CHSY3: variants seen among roughly 807,000 people sequenced by gnomAD.
CHSY3 encodes N-acetylgalactosaminyl-proteoglycan 3-beta-glucuronosyltransferase 3.
A neutral mutation model predicts 67.2 loss-of-function variants in CHSY3; 35 were observed. The observed-to-expected ratio is 0.52, with a 90% CI of 0.40 to 0.69. The LOEUF is 0.69. Among genes scored for constraint, CHSY3 ranks in the 30% least tolerant of loss-of-function variants. The probability of loss-of-function intolerance (pLI) is 0.00; values close to 1 mark genes in which losing one functional copy is unlikely to be tolerated. For missense variants in CHSY3, 1,069 were observed against 1,138.5 expected (o/e 0.94, Z 0.88); for synonymous variants, 474 against 434.7 (o/e 1.09, Z -1.12).
intron 2 of CHSY3, among the ~76,000 whole-genome samples, chr5:130,107,511 T>C (rs1767447767): frequency 6.6e-6 from 1 of 151,404 alleles, no homozygotes; most frequent in South Asian, 2.1e-4. Flanking sequence ...ATAGAGGAAA[T>C]GGTACTTATA....
chr5:129,998,817 G>T (rs918819725), intron 2 of CHSY3, among the ~76,000 whole-genome samples: 1 of 151,734 alleles, frequency 6.6e-6, no homozygotes, highest in Admixed American at 6.6e-5. Context: ...ACAGAAATTT[G>T]CTCTCTTTGT....
chr5:129,924,356 T>C (rs1403773658), intron 2 of CHSY3, among the ~76,000 whole-genome samples: 1 of 152,082 alleles, frequency 6.6e-6, no homozygotes, highest in Non-Finnish European at 1.5e-5. Flanking sequence ...CTTTTAAAAT[T>C]AGAATTAACG....
At chr5:130,018,220 C>A (rs1320202890) in intron 2 of CHSY3, among the ~76,000 whole-genome samples, 1 of 151,998 alleles carries the variant, frequency 6.6e-6, no homozygotes, top group Non-Finnish European at 1.5e-5. Flanking sequence ...CAAAAAAAGT[C>A]CTATTTTTTA....
In CHSY3 at chr5:130,186,406, C is replaced by T. The variant is rs961025089; in HGVS notation, c.*615C>T. The T allele has an allele frequency of 6.6e-6, 1 of 150,720 alleles. No individual in the cohort carries two copies. Among genetic ancestry groups the T allele is most frequent in the African/African-American group, 2.5e-5 (1 of 39,570 alleles). The allele number at this position is 150,720 out of a possible 1,614,324, so 9.3% of individuals were successfully genotyped here. ...AGTTTTGTTCCACAAGCAACCGGTA[C>T]TGGCTACCCTGGTCTTATGACAATT... On this transcript the variant is annotated 3_prime_UTR_variant, in exon 3 of 3. Transcript: ENST00000305031.
chr5:129,921,937 T>C lies in CHSY3; in HGVS notation c.1086+13577T>C, dbSNP rs536821212. On this transcript the variant is annotated intron_variant, in intron 2 of 2. Transcript: ENST00000305031. ...TATTGTGCTACCAAATACTAGATCT[T>C]ACTCATTCTATCTAACTGTATTTTT... is the stretch of plus-strand genomic sequence containing the variant. Among the ~76,000 whole-genome samples the C allele has an allele frequency of 8.5e-5, 13 of 152,264 alleles. No individual in the cohort carries two copies. In the East Asian group the frequency reaches 2.5e-3, roughly 29 times the overall value.
intron 2 of CHSY3, among the ~76,000 whole-genome samples, chr5:130,056,226 G>T (rs1458742958): frequency 6.6e-6 from 1 of 151,626 alleles, no homozygotes; most frequent in Admixed American, 6.6e-5. Flanking sequence ...TGACTCAGGT[G>T]GTTCAAGAAA....
At chr5:129,957,119 T>C (rs959151279) in intron 2 of CHSY3, among the ~76,000 whole-genome samples, 1 of 152,204 alleles carries the variant, frequency 6.6e-6, no homozygotes, top group Non-Finnish European at 1.5e-5. Flanking sequence ...TTTCCATTTG[T>C]TCGTGCCATC....
intron 2 of CHSY3, among the ~76,000 whole-genome samples, chr5:129,973,012 TG>T (rs1284647457): frequency 6.6e-6 from 1 of 152,080 alleles, no homozygotes; most frequent in African/African-American, 2.4e-5. Flanking sequence ...TTTTATGCCT[TG>T]TGTTGCTCTC....
chr5:130,018,644 C>T (rs1764278838), intron 2 of CHSY3, among the ~76,000 whole-genome samples: 1 of 152,130 alleles, frequency 6.6e-6, no homozygotes, highest in Non-Finnish European at 1.5e-5. Flanking sequence ...ATAGGTCAGC[C>T]TTGTCGATGT....
intron 2 of CHSY3, among the ~76,000 whole-genome samples, chr5:129,963,678 T>C (rs1762395987): frequency 6.6e-6 from 1 of 152,006 alleles, no homozygotes; most frequent in Non-Finnish European, 1.5e-5. Flanking sequence ...CTGTTGGGTG[T>C]TATTGCCCTT....
At chr5:129,939,499 C>T (rs1761629532) in intron 2 of CHSY3, among the ~76,000 whole-genome samples, 1 of 152,104 alleles carries the variant, frequency 6.6e-6, no homozygotes, top group African/African-American at 2.4e-5. Context: ...CTTCAAGTGC[C>T]ATTTCACATA....
At chr5:129,909,817 T>A (rs1358634311) in intron 2 of CHSY3, among the ~76,000 whole-genome samples, 1 of 152,048 alleles carries the variant, frequency 6.6e-6, no homozygotes, top group Non-Finnish European at 1.5e-5. Flanking sequence ...TTACTTTGCA[T>A]GGATAAGTAA....
At chr5:130,102,529 G>A (rs17593178) in intron 2 of CHSY3, among the ~76,000 whole-genome samples, 5,231 of 151,504 alleles carry the variant, frequency 0.035, 124 homozygotes, top group Middle Eastern at 0.059. Context: ...ATTTCTGGTC[G>A]TTTTTAGCAG....
intron 2 of CHSY3, among the ~76,000 whole-genome samples, chr5:130,128,271 CAT>C (rs1768362343): frequency 4.7e-5 from 7 of 150,148 alleles, no homozygotes; most frequent in Middle Eastern, 3.2e-3. Context: ...CATGCTCAGG[CAT>C]GCACATCTAC....
At chr5:130,178,145 TGTG>T (rs1423419707) in intron 2 of CHSY3, among the ~76,000 whole-genome samples, 6 of 145,584 alleles carry the variant, frequency 4.1e-5, no homozygotes, top group South Asian at 2.1e-4. Flanking sequence ...TGGATATAGT[TGTG>T]GTCTTTTTTT....
intron 2 of CHSY3, among the ~76,000 whole-genome samples, chr5:129,982,859 G>T (rs956851532): frequency 6.6e-6 from 1 of 152,036 alleles, no homozygotes; most frequent in Non-Finnish European, 1.5e-5. Flanking sequence ...AAGGGAGAGT[G>T]ATAGCTACTT....
rs768537462 is a variant in CHSY3, at chr5:129,905,519, C to A, written c.690C>A (p.Asp230Glu). 6.2e-7 allele frequency: 1 copy of A among 1,613,406 alleles called. No homozygotes were observed. The highest frequency in any genetic ancestry group is 1.7e-5 in the Admixed American group (1 of 60,030). The change falls in exon 1 of 3, where the codon GAC becomes GAA. Residue 230 changes from aspartate to glutamate, a missense_variant. Physicochemically the swap from Asp to Glu is conservative, Grantham distance 45. Around this residue, in one of 5 missense-constraint regions of CHSY3, gnomAD observed 216 missense variants for 311.5 expected, o/e 0.69. Coordinates refer to ENST00000305031, the MANE Select transcript of CHSY3 (RefSeq NM_175856.5). ...PLPVIALPGV[D>E]DSYPPQKKSF... ...CTGTCATCGCGCTACCGGGTGTGGACGACTCCTATCCTCCCCAGAAAAAGT... is the reference window on the plus strand; with the variant it reads ...CTGTCATCGCGCTACCGGGTGTGGAAGACTCCTATCCTCCCCAGAAAAAGT...
rs1580662245 is a variant in CHSY3 at position 130,026,097 on chromosome 5, C to A, written c.1086+117737C>A. ...AATTTCATAGGAACTTGTTGCCTCA[C>A]AAGACCATGTTACCAAGGAGAGTTA... is the stretch of plus-strand genomic sequence containing the variant. On this transcript the variant is annotated intron_variant, in intron 2 of 2. Coordinates refer to ENST00000305031, the MANE Select transcript of CHSY3 (RefSeq NM_175856.5). Among the ~76,000 whole-genome samples the A allele has an allele frequency of 4.6e-5, 7 of 152,260 alleles. 1 individual carries two copies. The highest frequency in any genetic ancestry group is 4.6e-4 in the Admixed American group (7 of 15,270).
intron 2 of CHSY3, among the ~76,000 whole-genome samples, chr5:130,097,866 C>T (rs943651306): frequency 2.0e-5 from 3 of 151,796 alleles, no homozygotes; most frequent in Admixed American, 6.6e-5. Context: ...ATTAGCCGGG[C>T]ATGGTGGTGG....
Sources: allele counts gnomAD v4.1 joint callset (sites outside exome capture counted in the v4.1 genomes callset), GRCh38; gene constraint gnomAD v4.1.1; regional missense constraint gnomAD v4.1.1; transcripts MANE v1.5; gene names NCBI Gene and HGNC (gene_info 2026-07-23, HGNC 2026-07-21).